Variants in SRGAP1 observed in about 807,000 individuals in gnomAD.
SRGAP1 encodes the protein SLIT-ROBO Rho GTPase activating protein 1, also known as SLIT-ROBO Rho GTPase-activating protein 1.
A neutral mutation model predicts 121.9 loss-of-function variants in SRGAP1; 43 were observed. The ratio of observed to expected loss-of-function variants is 0.35; its 90% CI spans 0.28 to 0.46. The LOEUF is 0.46. Ranked by LOEUF, SRGAP1 falls within the 20% of genes least tolerant of loss-of-function variation. The probability of loss-of-function intolerance (pLI) is 1.00; values close to 1 mark genes in which losing one functional copy is unlikely to be tolerated. For missense variants in SRGAP1, 1,102 were observed against 1,350.9 expected, an observed-to-expected ratio of 0.82 and a Z score of 2.89; for synonymous variants, 447 against 485.4, an observed-to-expected ratio of 0.92 and a Z score of 1.04.
intron 1 of SRGAP1, among the ~76,000 whole-genome samples, chr12:63,935,694 GGAA>G (rs2031640786): frequency 6.6e-6 from 1 of 152,116 alleles, no homozygotes; most frequent in African/African-American, 2.4e-5. Flanking sequence ...TTGGTAAAAA[GGAA>G]TATCTGAAAA....
At chr12:64,107,498 C>T (rs2036363747) in intron 15 of SRGAP1, among the ~76,000 whole-genome samples, 1 of 152,146 alleles carries the variant, frequency 6.6e-6, no homozygotes, top group Non-Finnish European at 1.5e-5. Context: ...GTAGAAACTA[C>T]AGGACTTCTT....
chr12:64,080,819 A>G (rs573823167), intron 10 of SRGAP1: 15 of 201,434 alleles, frequency 7.4e-5, no homozygotes, highest in Non-Finnish European at 1.3e-4. Flanking sequence ...AACCAGTTAA[A>G]CCAGTTTGGG....
chr12:64,068,779 G>T (rs1178709222), intron 8 of SRGAP1, among the ~76,000 whole-genome samples: 1 of 151,784 alleles, frequency 6.6e-6, no homozygotes, highest in Non-Finnish European at 1.5e-5. Flanking sequence ...GGAGGCCAAG[G>T]CGGGCAGATC....
chr12:64,007,446 A>G (rs1051274409), intron 3 of SRGAP1, among the ~76,000 whole-genome samples: 1 of 152,136 alleles, frequency 6.6e-6, no homozygotes, highest in African/African-American at 2.4e-5. Flanking sequence ...GGCAGAGCTC[A>G]GGCATTATAA....
intron 1 of SRGAP1, among the ~76,000 whole-genome samples, chr12:63,943,774 A>G (rs1472878123): frequency 1.3e-5 from 2 of 152,220 alleles, no homozygotes; most frequent in Non-Finnish European, 2.9e-5. Flanking sequence ...GCAGTTGGGC[A>G]GAGAGATCTG....
intron 18 of SRGAP1, among the ~76,000 whole-genome samples, chr12:64,123,679 T>G (rs1455848755): frequency 1.5e-4 from 22 of 151,010 alleles, no homozygotes; most frequent in African/African-American, 2.9e-4. Context: ...TTTATTTATT[T>G]ATTTATTTTT....
chr12:63,889,628 G>C (rs532336235), intron 1 of SRGAP1, among the ~76,000 whole-genome samples: 21 of 152,228 alleles, frequency 1.4e-4, no homozygotes, highest in African/African-American at 4.8e-4. Context: ...AAAAAAATCC[G>C]GCCGAGTGTG....
At chr12:63,939,276 C>T (rs1331480950) in intron 1 of SRGAP1, among the ~76,000 whole-genome samples, 3 of 151,976 alleles carry the variant, frequency 2.0e-5, no homozygotes, top group African/African-American at 7.3e-5. Context: ...ATCTCAGACT[C>T]TTAACGGGAG....
Position 64,158,180 on chromosome 12 carries a change from C to T in SRGAP1, c.*15508C>T, listed in dbSNP as rs1185644113. On this transcript the variant is annotated 3_prime_UTR_variant, in exon 22 of 22. Coordinates refer to ENST00000355086, the MANE Select transcript of SRGAP1 (RefSeq NM_020762.4). ...CAGAGCAATTAAACACTGCCTGGTG[C>T]ATAGTTAGTGCTCAAGAATTGTGCT... The T allele has an allele frequency of 6.6e-6, 1 of 152,198 alleles. No homozygotes were observed. Among genetic ancestry groups the T allele is most frequent in the African/African-American group, 2.4e-5 (1 of 41,454 alleles). 9.4% of individuals were successfully genotyped at this position (152,198 alleles called of 1,614,324 possible). A position where few individuals can be genotyped will look rare whatever the true frequency, so the allele number is the denominator to read the frequency against.
intron 1 of SRGAP1, among the ~76,000 whole-genome samples, chr12:63,915,574 T>C (rs994876801): frequency 2.6e-5 from 4 of 152,172 alleles, no homozygotes; most frequent in African/African-American, 9.7e-5. Flanking sequence ...GATCCACATT[T>C]TGAAGATTTT....
intron 6 of SRGAP1, among the ~76,000 whole-genome samples, chr12:64,059,573 A>C (rs1423404526): frequency 6.6e-6 from 1 of 152,132 alleles, no homozygotes; most frequent in Non-Finnish European, 1.5e-5. Flanking sequence ...CTTTCAGAAT[A>C]GTGAGATGTT....
chr12:64,097,533 T>A, intron 15 of SRGAP1, 158 bp downstream of exon 15: 1 of 784,226 alleles, frequency 1.3e-6, no homozygotes, highest in Non-Finnish European at 1.9e-6. Context: ...CCAGTGCGAG[T>A]CATCCTCCCA....
intron 1 of SRGAP1, among the ~76,000 whole-genome samples, chr12:63,877,461 C>T (rs1358825337): frequency 2.6e-5 from 4 of 152,062 alleles, no homozygotes; most frequent in South Asian, 2.1e-4. Flanking sequence ...AAAAAAAAGC[C>T]TGTAATTAAG....
At chr12:64,016,488 A>C (rs1427398098) in intron 3 of SRGAP1, among the ~76,000 whole-genome samples, 1 of 152,126 alleles carries the variant, frequency 6.6e-6, no homozygotes. Flanking sequence ...CCCTGTCTCC[A>C]AAAACAAAAA....
chr12:63,869,389 C>T (rs150352214), intron 1 of SRGAP1, among the ~76,000 whole-genome samples: 47 of 152,292 alleles, frequency 3.1e-4, no homozygotes, highest in East Asian at 2.7e-3. Context: ...TCCCACCTCC[C>T]GACACTACTG....
At position 64,111,696 on chromosome 12, in the gene SRGAP1, A is replaced by C; in HGVS notation, c.1920-66A>C. Reference sequence around the variant, plus strand: ...TATTAAAGTATTGAAGTATCTTGTTATTAAACATTTATATCCTTTTTTTCT... The same window carrying C: ...TATTAAAGTATTGAAGTATCTTGTTCTTAAACATTTATATCCTTTTTTTCT... On this transcript the variant is annotated intron_variant, in intron 16 of 21. Transcript: ENST00000355086. 2.9e-6 allele frequency: 4 copies of C among 1,379,672 alleles called. No individual in the cohort carries two copies. In the East Asian group the frequency reaches 9.4e-5, roughly 33 times the overall value. The allele number at this position is 1,379,672 out of a possible 1,614,324, so 85.5% of individuals were successfully genotyped here.
chr12:63,921,262 A>C (rs1490802379), intron 1 of SRGAP1, among the ~76,000 whole-genome samples: 1 of 152,244 alleles, frequency 6.6e-6, no homozygotes, highest in African/African-American at 2.4e-5. Context: ...GTGCTGTCGT[A>C]ATCTCCTAAC....
chr12:63,870,533 ATTTTT>A (rs1216674448), intron 1 of SRGAP1, among the ~76,000 whole-genome samples: 30 of 100,812 alleles, frequency 3.0e-4, no homozygotes, highest in African/African-American at 8.9e-4. Context: ...CCCTATCTTG[ATTTTT>A]TTTTTTTTTT....
intron 1 of SRGAP1, chr12:63,983,157 A>G (rs1485362376): frequency 2.0e-5 from 3 of 152,228 alleles, no homozygotes; most frequent in Non-Finnish European, 4.4e-5. Flanking sequence ...TGTTTTACAA[A>G]CTAGAAATTA....
Sources: allele counts gnomAD v4.1 joint callset (sites outside exome capture counted in the v4.1 genomes callset), GRCh38; gene constraint gnomAD v4.1.1; transcripts MANE v1.5; gene names NCBI Gene and HGNC (gene_info 2026-07-23, HGNC 2026-07-21).